The following TDRD5 variants were observed in gnomAD, a reference collection of about 807,000 sequenced individuals.
TDRD5 encodes tudor domain containing 5, also known as tudor domain-containing protein 5.
Under a neutral mutation model 120.6 loss-of-function variants are expected in TDRD5, and 41 were observed. The ratio of observed to expected loss-of-function variants is 0.34; its 90% confidence interval spans 0.26 to 0.44. The LOEUF (loss-of-function observed/expected upper bound fraction) is 0.44. TDRD5 is among the 20% of genes least tolerant of loss of function. TDRD5 has a pLI of 1.00. For missense variants in TDRD5, 1,006 were observed against 1,221.2 expected, an observed-to-expected ratio of 0.82 and a Z score of 2.63; for synonymous variants, 430 against 433.7, an observed-to-expected ratio of 0.99 and a Z score of 0.11.
At chr1:179,632,155 C>G (rs572813712) in intron 7 of TDRD5, among the ~76,000 whole-genome samples, 80 of 152,158 alleles carry the variant, frequency 5.3e-4, no homozygotes, top group African/African-American at 1.9e-3. Context: ...ATCCACCCGC[C>G]TCAGCCTCCC....
At chr1:179,627,351 G>T (rs566788891) in intron 6 of TDRD5, among the ~76,000 whole-genome samples, 2 of 152,226 alleles carry the variant, frequency 1.3e-5, no homozygotes, top group South Asian at 4.2e-4. Context: ...ATGAGGGTTG[G>T]GGGGAGAGAA....
At chr1:179,617,179 A>G (rs10157829) in intron 4 of TDRD5, among the ~76,000 whole-genome samples, 50,932 of 152,000 alleles carry the variant, frequency 0.34, 8,833 homozygotes, top group Admixed American at 0.42. Flanking sequence ...AAATGTGAAA[A>G]TAGGGGAAAA....
At chr1:179,677,530 T>G (rs187811526) in intron 17 of TDRD5, among the ~76,000 whole-genome samples, 1 of 152,340 alleles carries the variant, frequency 6.6e-6, no homozygotes, top group Non-Finnish European at 1.5e-5. Flanking sequence ...CAGATTCTTT[T>G]GTCCCACGGG....
chr1:179,597,037 A>G (rs1184741890), intron 4 of TDRD5, among the ~76,000 whole-genome samples: 1 of 152,232 alleles, frequency 6.6e-6, no homozygotes, highest in Non-Finnish European at 1.5e-5. Flanking sequence ...AAGTTGGATC[A>G]TAATAATCTA....
At chr1:179,618,567 T>G (rs778848244) in intron 4 of TDRD5, 32 bp from the exon 5 acceptor site, 31 of 1,547,924 alleles carry the variant, frequency 2.0e-5, no homozygotes, top group Admixed American at 8.1e-5. Flanking sequence ...TCAGGGGGAC[T>G]GTGACTTGAC....
intron 11 of TDRD5, among the ~76,000 whole-genome samples, chr1:179,641,619 T>C (rs1678054408): frequency 6.6e-6 from 1 of 152,208 alleles, no homozygotes; most frequent in African/African-American, 2.4e-5. Context: ...TGGTGTATGT[T>C]TCTTCCAGTT....
At chr1:179,660,762 C>A (rs2102095606) in intron 14 of TDRD5, among the ~76,000 whole-genome samples, 1 of 152,214 alleles carries the variant, frequency 6.6e-6, no homozygotes, top group Non-Finnish European at 1.5e-5. Context: ...GTTATATATA[C>A]CCAGATATTT....
chr1:179,687,787 C>G (rs1273300960), intron 17 of TDRD5, among the ~76,000 whole-genome samples: 1 of 151,810 alleles, frequency 6.6e-6, no homozygotes, highest in South Asian at 2.1e-4. Context: ...GATCCCTTTA[C>G]CATTATGTAA....
chr1:179,687,451 C>G (rs2147825511), intron 17 of TDRD5, among the ~76,000 whole-genome samples: 1 of 152,270 alleles, frequency 6.6e-6, no homozygotes, highest in Admixed American at 6.5e-5. Context: ...CTGAGGAGTG[C>G]TTTACTTCCA....
At chr1:179,690,634 G>C in intron 17 of TDRD5, 62 bp from the exon 18 acceptor site, 1 of 1,564,184 alleles carries the variant, frequency 6.4e-7, no homozygotes, top group Non-Finnish European at 8.7e-7. Context: ...TAGAATGGGG[G>C]AGAGGAGGCA....
chr1:179,636,233 T>C (rs1677759746), intron 9 of TDRD5, among the ~76,000 whole-genome samples: 2 of 152,208 alleles, frequency 1.3e-5, no homozygotes, highest in African/African-American at 2.4e-5. Context: ...GGTTGAAGTA[T>C]CTGAAGACAT....
intron 6 of TDRD5, among the ~76,000 whole-genome samples, chr1:179,625,784 G>GT (rs1677088955): frequency 6.6e-6 from 1 of 152,078 alleles, no homozygotes; most frequent in Admixed American, 6.6e-5. Context: ...AAGAGATTGT[G>GT]GTACGTTTGT....
intron 6 of TDRD5, among the ~76,000 whole-genome samples, chr1:179,623,479 A>G (rs1325042892): frequency 1.3e-5 from 2 of 152,146 alleles, no homozygotes; most frequent in African/African-American, 4.8e-5. Context: ...CAAGATTCTT[A>G]TATTTTATTT....
At chr1:179,618,154 A>C (rs1016251407) in intron 4 of TDRD5, among the ~76,000 whole-genome samples, 4 of 152,172 alleles carry the variant, frequency 2.6e-5, no homozygotes, top group African/African-American at 9.7e-5. Context: ...CTATTACAAC[A>C]GAAAAACTTT....
intron 14 of TDRD5, among the ~76,000 whole-genome samples, chr1:179,659,624 T>C (rs1374778532): frequency 1.3e-5 from 2 of 150,790 alleles, no homozygotes; most frequent in Admixed American, 1.3e-4. Context: ...TTTTCCATCC[T>C]TCTAACCTAC....
chr1:179,602,000 T>C (rs1183559539), intron 4 of TDRD5, among the ~76,000 whole-genome samples: 1 of 152,220 alleles, frequency 6.6e-6, no homozygotes, highest in Non-Finnish European at 1.5e-5. Flanking sequence ...GATATGGGGT[T>C]TCACCATGTT....
intron 11 of TDRD5, among the ~76,000 whole-genome samples, chr1:179,640,862 A>G (rs773014306): frequency 2.0e-5 from 3 of 152,228 alleles, no homozygotes; most frequent in Non-Finnish European, 2.9e-5. Context: ...TGCATGGTAG[A>G]AAATGTCAAA....
At chr1:179,656,008 G>A (rs1678988167) in intron 14 of TDRD5, among the ~76,000 whole-genome samples, 1 of 152,112 alleles carries the variant, frequency 6.6e-6, no homozygotes, top group South Asian at 2.1e-4. Flanking sequence ...TGTGATAAGT[G>A]TATGTCAAAC....
intron 9 of TDRD5, among the ~76,000 whole-genome samples, chr1:179,639,386 T>TA (rs896126402): frequency 1.3e-5 from 2 of 151,694 alleles, no homozygotes; most frequent in South Asian, 4.2e-4. Context: ...ACAGAGCCAA[T>TA]AAAAAAAATA....
Sources: allele counts gnomAD v4.1 joint callset (sites outside exome capture counted in the v4.1 genomes callset), GRCh38; gene constraint gnomAD v4.1.1; transcripts MANE v1.5; gene names NCBI Gene and HGNC (gene_info 2026-07-23, HGNC 2026-07-21).